GSAP: variants seen among roughly 807,000 people sequenced by gnomAD.
GSAP encodes the protein gamma-secretase-activating protein.
In GSAP, 118 loss-of-function variants were observed where a neutral mutation model predicts 131.7. The ratio of observed to expected loss-of-function variants is 0.90; its 90% CI spans 0.77 to 1.04. The LOEUF (loss-of-function observed/expected upper bound fraction) is 1.04. Among genes scored for constraint, GSAP ranks in the 50% least tolerant of loss-of-function variants. The pLI, the probability that GSAP is intolerant of heterozygous loss-of-function variation, is 0.00. For missense variants in GSAP, 1,019 were observed against 1,013.2 expected, an observed-to-expected ratio of 1.01 and a Z score of -0.08; for synonymous variants, 381 against 363.4, an observed-to-expected ratio of 1.05 and a Z score of -0.55.
chr7:77,370,953 T>A (rs190690292), intron 12 of GSAP, among the ~76,000 whole-genome samples: 1 of 152,300 alleles, frequency 6.6e-6, no homozygotes, highest in African/African-American at 2.4e-5. Context: ...CATTCTTTTT[T>A]CCTTTTCGTT....
intron 16 of GSAP, 76 bp downstream of exon 16, chr7:77,355,137 G>T: frequency 2.1e-6 from 2 of 952,268 alleles, no homozygotes; most frequent in South Asian, 1.4e-5. Context: ...AATAACTCCT[G>T]ACCATTTTCA....
chr7:77,363,901 A>G (rs1794892344), intron 12 of GSAP, among the ~76,000 whole-genome samples: 1 of 152,208 alleles, frequency 6.6e-6, no homozygotes, highest in Non-Finnish European at 1.5e-5. Context: ...CTATCACTAA[A>G]GTATAAACAA....
chr7:77,330,879 AT>A, intron 19 of GSAP: 1 of 977,972 alleles, frequency 1.0e-6, no homozygotes, highest in Non-Finnish European at 1.2e-6. Context: ...AAATGAACTA[AT>A]TTTACATTGT....
At chr7:77,380,703 G>C (rs1325885029) in intron 8 of GSAP, among the ~76,000 whole-genome samples, 1 of 150,116 alleles carries the variant, frequency 6.7e-6, no homozygotes, top group African/African-American at 2.5e-5. Flanking sequence ...GTGAACAAAA[G>C]AGATTAAAAA....
rs1279520613 is a variant in GSAP, at chr7:77,326,086, T to G, written c.1827+126A>C. 5.8e-6 allele frequency: 4 copies of G among 692,482 alleles called. No homozygotes were observed. The African/African-American group carries it at 7.1e-5, about 12-fold the overall frequency. 42.9% of individuals were successfully genotyped at this position (692,482 alleles called of 1,614,324 possible). A position where few individuals can be genotyped will look rare whatever the true frequency, so the allele number is the denominator to read the frequency against. ...ACCACTGGGCACACAAGGTCCATAA[T>G]GCTGGCAAAACATACTTGTGCAAAG... is the stretch of plus-strand genomic sequence containing the variant. On this transcript the variant is annotated intron_variant, in intron 23 of 30. Coordinates refer to ENST00000257626, the MANE Select transcript of GSAP (RefSeq NM_017439.4).
intron 12 of GSAP, among the ~76,000 whole-genome samples, chr7:77,362,935 T>C (rs1794755575): frequency 6.6e-6 from 1 of 152,044 alleles, no homozygotes; most frequent in Non-Finnish European, 1.5e-5. Context: ...AATAATGGGG[T>C]TCTAGACAGT....
At chr7:77,393,273 G>A (rs971935235) in intron 5 of GSAP, among the ~76,000 whole-genome samples, 2 of 152,054 alleles carry the variant, frequency 1.3e-5, no homozygotes, top group Non-Finnish European at 2.9e-5. Flanking sequence ...CAAAATATTC[G>A]TTCAAATAAA....
chr7:77,360,707 G>A (rs1794408194), intron 14 of GSAP, 117 bp downstream of exon 14: 1 of 617,580 alleles, frequency 1.6e-6, no homozygotes, highest in Admixed American at 2.5e-5. Context: ...GTCATTGATT[G>A]TCATCACAAT....
At chr7:77,321,217 T>C in intron 25 of GSAP, 116 bp downstream of exon 25, 2 of 699,262 alleles carry the variant, frequency 2.9e-6, no homozygotes, top group South Asian at 3.3e-5. Flanking sequence ...TTAAGCTAGA[T>C]GGTGTTGAAG....
rs141884698 is a variant in GSAP at position 77,330,741 on chromosome 7, T to C, written c.1546-374A>G. 3.3e-3 allele frequency: 3,287 copies of C among 988,220 alleles called. 8 individuals carry two copies. Among genetic ancestry groups the C allele is most frequent in the Middle Eastern group, 0.02 (39 of 1,922 alleles). The allele number at this position is 988,220 out of a possible 1,614,324, so 61.2% of individuals were successfully genotyped here. ...AGACCCGTTTTTATGACTTAGGTGG[T>C]GTCAACAGTGCCATGTTCACTAAGA... On this transcript the variant is annotated intron_variant, in intron 19 of 30. Transcript: ENST00000257626.
intron 5 of GSAP, 63 bp from the exon 6 acceptor site, chr7:77,387,511 G>T: frequency 1.1e-6 from 1 of 886,262 alleles, no homozygotes; most frequent in Non-Finnish European, 1.9e-6. Context: ...TTTTTCCAAA[G>T]CAAGGAGTAA....
At chr7:77,364,805 A>G (rs1371438615) in intron 12 of GSAP, among the ~76,000 whole-genome samples, 10 of 152,344 alleles carry the variant, frequency 6.6e-5, no homozygotes, top group African/African-American at 2.4e-4. Flanking sequence ...AAAGGGAAAA[A>G]AAGACACAGC....
chr7:77,359,410 T>C (rs1217905629), intron 14 of GSAP, among the ~76,000 whole-genome samples: 1 of 152,176 alleles, frequency 6.6e-6, no homozygotes, highest in African/African-American at 2.4e-5. Context: ...TCATTATTTA[T>C]AAACATATCT....
chr7:77,404,426 C>T (rs1801893367), intron 3 of GSAP, 133 bp downstream of exon 3: 1 of 669,748 alleles, frequency 1.5e-6, no homozygotes, highest in Non-Finnish European at 2.7e-6. Context: ...CCTCAAATTG[C>T]AATTCTGTTT....
intron 26 of GSAP, among the ~76,000 whole-genome samples, chr7:77,318,012 G>A (rs577111866): frequency 1.3e-5 from 2 of 152,286 alleles, no homozygotes; most frequent in East Asian, 3.9e-4. Flanking sequence ...AACCGTATCA[G>A]ATGTGTCATA....
At chr7:77,351,118 G>A in intron 18 of GSAP, 20 of 977,132 alleles carry the variant, frequency 2.0e-5, no homozygotes, top group Non-Finnish European at 2.4e-5. Flanking sequence ...CATGGGGACA[G>A]AGAAATAAGT....
intron 18 of GSAP, chr7:77,351,795 C>T (rs1193941044): frequency 1.2e-6 from 1 of 849,382 alleles, no homozygotes; most frequent in Non-Finnish European, 1.4e-6. Flanking sequence ...AACCAGTGGT[C>T]CCAGCTGCCT....
chr7:77,376,387 G>A (rs1394563992), intron 10 of GSAP, among the ~76,000 whole-genome samples: 2 of 152,144 alleles, frequency 1.3e-5, no homozygotes, highest in Non-Finnish European at 2.9e-5. Context: ...GAAACCTGGA[G>A]GTGGCAAGAA....
At chr7:77,391,001 C>CACTCATCT (rs370738660) in intron 5 of GSAP, among the ~76,000 whole-genome samples, 284 of 128,602 alleles carry the variant, frequency 2.2e-3, no homozygotes, top group African/African-American at 7.8e-3. Flanking sequence ...GGTGTGGTGG[C>CACTCATCT]ACTCATCTGT....
Sources: gnomAD v4.1 joint callset for allele counts (sites outside exome capture counted in the v4.1 genomes callset) on GRCh38, gnomAD v4.1.1 for gene constraint, MANE v1.5 for transcripts, NCBI Gene and HGNC (gene_info 2026-07-23, HGNC 2026-07-21) for gene names.